Variants in BNIP1 observed in about 807,000 individuals in gnomAD.
The protein encoded by BNIP1 is vesicle transport protein SEC20.
In BNIP1, 25 loss-of-function variants were observed where a neutral mutation model predicts 28.5. That is an observed-to-expected ratio of 0.88 (90% CI 0.64 to 1.23). The LOEUF (loss-of-function observed/expected upper bound fraction) is 1.23. BNIP1 is among the 50% of genes most tolerant of loss of function. The pLI is 0.00. For synonymous variants in BNIP1, 118 were observed against 101.7 expected (o/e 1.16, Z -0.96); for missense variants, 276 against 277.0 (o/e 1.00, Z 0.02).
chr5:173,144,565 T>C lies in BNIP1; in HGVS notation c.20T>C (p.Val7Ala), dbSNP rs534621967. ...CCCAACATGGCGGCTCCCCAAGACGTCCACGTCCGGATCTGTAACCAAGAG... is the reference window on the plus strand; with the variant it reads ...CCCAACATGGCGGCTCCCCAAGACGCCCACGTCCGGATCTGTAACCAAGAG... MAAPQDVHVRICNQEIV... is the reference protein window; with the variant it reads MAAPQDAHVRICNQEIV... The change falls in exon 1 of 6, where the codon GTC (valine) becomes GCC (alanine). Residue 7 changes from valine to alanine, a missense_variant. Coordinates refer to ENST00000351486, the MANE Select transcript of BNIP1 (RefSeq NM_001205.3). The C allele has an allele frequency of 7.0e-5, 113 of 1,614,130 alleles. No individual in the cohort carries two copies. Among genetic ancestry groups the C allele is most frequent in the South Asian group, 4.9e-4 (45 of 91,076 alleles).
intron 1 of BNIP1, among the ~76,000 whole-genome samples, chr5:173,145,607 G>A (rs552387779): frequency 1.2e-3 from 187 of 152,306 alleles, no homozygotes; most frequent in South Asian, 1.7e-3. Context: ...GTTTCACCGT[G>A]TTAGCCAGGA....
chr5:173,162,245 ATAT>A (rs1274191822), intron 5 of BNIP1, among the ~76,000 whole-genome samples: 1 of 152,232 alleles, frequency 6.6e-6, no homozygotes, highest in African/African-American at 2.4e-5. Context: ...ATTATGTAAA[ATAT>A]TATAATTTCA....
intron 1 of BNIP1, among the ~76,000 whole-genome samples, chr5:173,146,382 A>G (rs1049635697): frequency 1.3e-5 from 2 of 152,212 alleles, no homozygotes; most frequent in African/African-American, 4.8e-5. Context: ...CTGCCCTTAA[A>G]CATGTCTATA....
intron 4 of BNIP1, 121 bp from the exon 5 acceptor site, chr5:173,159,812 T>A (rs1760309103): frequency 1.2e-6 from 1 of 849,116 alleles, no homozygotes; most frequent in African/African-American, 1.7e-5. Context: ...TTGAATGTGA[T>A]CATTTAAAAT....
Position 173,144,558 on chromosome 5 carries a change from C to G in BNIP1, c.13C>G (p.Gln5Glu). The G allele has an allele frequency of 6.2e-7, 1 of 1,614,148 alleles. No homozygotes were observed. The highest frequency in any genetic ancestry group is 8.5e-7 in the Non-Finnish European group (1 of 1,179,986). The part of the protein sequence containing the change: MAAP[Q>E]DVHVRICNQE... The stretch of plus-strand genomic sequence containing the variant: ...CGGCGTCCCCAACATGGCGGCTCCC[C>G]AAGACGTCCACGTCCGGATCTGTAA... The change falls in exon 1 of 6, where the codon CAA (glutamine) becomes GAA (glutamate). Residue 5 changes from glutamine (Q) to glutamate (E), a missense_variant. Coordinates refer to ENST00000351486, the MANE Select transcript of BNIP1 (RefSeq NM_001205.3).
intron 3 of BNIP1, among the ~76,000 whole-genome samples, chr5:173,154,708 A>G (rs748560124): frequency 1.5e-4 from 23 of 152,072 alleles, no homozygotes; most frequent in Non-Finnish European, 2.4e-4. Context: ...TTTTTACTAG[A>G]GACAGAGTTT....
rs749913448 is a variant in BNIP1, at chr5:173,144,774, T to C, written c.84+145T>C. 2.1e-4 allele frequency: 176 copies of C among 826,846 alleles called. 1 individual carries two copies. Among genetic ancestry groups the C allele is most frequent in the Non-Finnish European group, 3.1e-4 (167 of 538,730 alleles). The allele number at this position is 826,846 out of a possible 1,614,324, so 51.2% of individuals were successfully genotyped here. The stretch of plus-strand genomic sequence containing the variant: ...GCCCCATGGTCGGCTACCCCCCCGG[T>C]CCCCATTTGGTTGTGTCCCGGTGAC... On this transcript the variant is annotated intron_variant, in intron 1 of 5. Transcript: ENST00000351486.
chr5:173,144,811 A>C, intron 1 of BNIP1, 182 bp downstream of exon 1: 2 of 576,056 alleles, frequency 3.5e-6, no homozygotes, highest in South Asian at 4.5e-5. Context: ...GCTGGCCTTG[A>C]TCCTTTTTCC....
At chr5:173,152,797 C>T (rs1160798043) in intron 2 of BNIP1, among the ~76,000 whole-genome samples, 1 of 152,164 alleles carries the variant, frequency 6.6e-6, no homozygotes, top group African/African-American at 2.4e-5. Context: ...AATTGAAAGT[C>T]ATCTCTGTGC....
chr5:173,161,190 T>TG (rs1426131712), intron 5 of BNIP1: 4 of 175,420 alleles, frequency 2.3e-5, no homozygotes, highest in African/African-American at 9.4e-5. Flanking sequence ...AGGGACTCTT[T>TG]GGGGAAAAAG....
chr5:173,159,803 T>G, intron 4 of BNIP1, 130 bp from the exon 5 acceptor site: 2 of 816,196 alleles, frequency 2.5e-6, no homozygotes, highest in Non-Finnish European at 4.1e-6. Flanking sequence ...TTTCCAGCAT[T>G]GAATGTGATC....
At chr5:173,146,413 T>C (rs1350374996) in intron 1 of BNIP1, among the ~76,000 whole-genome samples, 1 of 152,236 alleles carries the variant, frequency 6.6e-6, no homozygotes. Context: ...AACTTATCAC[T>C]AATGGTTTGT....
Position 173,163,839 on chromosome 5 carries a change from A to G in BNIP1, c.605A>G (p.Lys202Arg). Residue 202 changes from lysine (K) to arginine (R), a missense_variant, in exon 6 of 6, where the codon AAG becomes AGG. Coordinates refer to ENST00000351486, the MANE Select transcript of BNIP1 (RefSeq NM_001205.3). ...TKYNRRELTD[K>R]LLIFLALALF... ...TACAATCGCCGGGAGCTGACGGACA[A>G]GCTTCTCATCTTCCTTGCGCTAGCC... The G allele has an allele frequency of 1.2e-6, 2 of 1,614,048 alleles. No homozygotes were observed. The highest frequency in any genetic ancestry group is 1.7e-6 in the Non-Finnish European group (2 of 1,179,970).
At chr5:173,157,779 G>T (rs562159859) in intron 3 of BNIP1, among the ~76,000 whole-genome samples, 9 of 152,164 alleles carry the variant, frequency 5.9e-5, no homozygotes, top group African/African-American at 1.4e-4. Context: ...ACAAGTTAGC[G>T]CAGGTGAAGA....
In BNIP1 at chr5:173,151,499, G is replaced by A. The variant is rs190603100; in HGVS notation, c.178-2823G>A. ...GCCTTCCAAAGTGTTGGGATTACAGGCAGGAGCCACCACACCTGGTCTCTC... is the reference window on the plus strand; with the variant it reads ...GCCTTCCAAAGTGTTGGGATTACAGACAGGAGCCACCACACCTGGTCTCTC... On this transcript the variant is annotated intron_variant, in intron 2 of 5. Transcript: ENST00000351486. 3.9e-4 allele frequency: 593 copies of A among 1,508,016 alleles called. 4 individuals are homozygous for A. The African/African-American group carries it at 6.9e-3, about 18-fold the overall frequency. The allele number at this position is 1,508,016 out of a possible 1,614,324, so 93.4% of individuals were successfully genotyped here.
chr5:173,148,596 C>T (rs553837726), intron 2 of BNIP1, among the ~76,000 whole-genome samples: 1 of 152,102 alleles, frequency 6.6e-6, no homozygotes, highest in Non-Finnish European at 1.5e-5. Context: ...TGTAGGCCCT[C>T]TCCCTGAGGA....
chr5:173,158,119 C>T (rs780663991), intron 3 of BNIP1, among the ~76,000 whole-genome samples: 4 of 151,696 alleles, frequency 2.6e-5, no homozygotes, highest in African/African-American at 4.8e-5. Flanking sequence ...TTAGTAGAGA[C>T]GGGGTTTCTC....
intron 3 of BNIP1, 79 bp downstream of exon 3, chr5:173,154,492 A>T: frequency 3.6e-6 from 4 of 1,108,630 alleles, no homozygotes; most frequent in South Asian, 2.8e-5. Flanking sequence ...TGTTTGCCTG[A>T]TGGATCTGCT....
chr5:173,145,637 T>C (rs925986227), intron 1 of BNIP1, among the ~76,000 whole-genome samples: 4 of 152,178 alleles, frequency 2.6e-5, no homozygotes, highest in Admixed American at 6.5e-5. Flanking sequence ...TCTCCTGACC[T>C]CGTGATCCGC....
Sources: allele counts gnomAD v4.1 joint callset (sites outside exome capture counted in the v4.1 genomes callset), GRCh38; gene constraint gnomAD v4.1.1; transcripts MANE v1.5; gene names NCBI Gene and HGNC (gene_info 2026-07-23, HGNC 2026-07-21).